TTC28: variants seen among roughly 807,000 people sequenced by gnomAD.
TTC28 encodes tetratricopeptide repeat domain 28, also known as tetratricopeptide repeat protein 28.
In TTC28, 61 loss-of-function variants were observed where a neutral mutation model predicts 198.0. That is an observed-to-expected ratio of 0.31 (90% CI 0.25 to 0.38). The LOEUF is 0.38. TTC28 is among the 10% of genes least tolerant of loss of function. The pLI, the probability that TTC28 is intolerant of heterozygous loss-of-function variation, is 1.00. For missense variants in TTC28, 2,678 were observed against 3,164.0 expected (o/e 0.85, Z 3.69); for synonymous variants, 1,171 against 1,297.8 (o/e 0.90, Z 2.10).
intron 12 of TTC28, among the ~76,000 whole-genome samples, chr22:28,088,241 C>A (rs1414759264): frequency 4.6e-5 from 7 of 152,170 alleles, no homozygotes; most frequent in Admixed American, 4.6e-4. Flanking sequence ...CTGGAGGCAT[C>A]ACGCTACCTG....
chr22:28,082,445 GT>G (rs901813361), intron 12 of TTC28, among the ~76,000 whole-genome samples: 1 of 152,124 alleles, frequency 6.6e-6, no homozygotes, highest in African/African-American at 2.4e-5. Context: ...TTGCAGTGTG[GT>G]TTTTATCATG....
chr22:28,493,121 G>A (rs980079354), intron 2 of TTC28, among the ~76,000 whole-genome samples: 3 of 151,620 alleles, frequency 2.0e-5, no homozygotes, highest in African/African-American at 7.3e-5. Context: ...CTTTGGAGGC[G>A]AAGGCAGGTG....
At chr22:28,214,153 T>G (rs976537342) in intron 5 of TTC28, among the ~76,000 whole-genome samples, 19 of 152,108 alleles carry the variant, frequency 1.2e-4, no homozygotes, top group Non-Finnish European at 2.4e-4. Flanking sequence ...AAGACTTAAA[T>G]GTTAGACCTA....
At chr22:28,149,458 G>A (rs1437089895) in intron 6 of TTC28, among the ~76,000 whole-genome samples, 1 of 152,194 alleles carries the variant, frequency 6.6e-6, no homozygotes, top group Admixed American at 6.5e-5. Flanking sequence ...AGACAATATG[G>A]ATGAACCTAG....
chr22:28,626,645 C>T (rs2051080856), intron 2 of TTC28, among the ~76,000 whole-genome samples: 1 of 151,896 alleles, frequency 6.6e-6, no homozygotes, highest in Non-Finnish European at 1.5e-5. Context: ...CAGTACTGAA[C>T]ATTTCTTTAT....
At chr22:28,290,737 C>T (rs1169717145) in intron 5 of TTC28, among the ~76,000 whole-genome samples, 10 of 152,094 alleles carry the variant, frequency 6.6e-5, no homozygotes, top group Non-Finnish European at 1.5e-5. Context: ...ATAGTGAGAC[C>T]TTGCTCTACA....
chr22:28,263,068 T>C (rs1290524556), intron 5 of TTC28, among the ~76,000 whole-genome samples: 2 of 152,044 alleles, frequency 1.3e-5, no homozygotes, highest in African/African-American at 2.4e-5. Context: ...AAGTCCAAAG[T>C]GGTTTTTAAG....
At chr22:28,128,941 T>TA (rs1028168069) in intron 6 of TTC28, among the ~76,000 whole-genome samples, 1 of 152,224 alleles carries the variant, frequency 6.6e-6, no homozygotes, top group Admixed American at 6.5e-5. Flanking sequence ...CTAGATTGTG[T>TA]AAGAAGTAAG....
At chr22:28,420,987 C>G (rs1338747512) in intron 2 of TTC28, among the ~76,000 whole-genome samples, 3 of 152,070 alleles carry the variant, frequency 2.0e-5, no homozygotes, top group Non-Finnish European at 4.4e-5. Flanking sequence ...TTTATATTAA[C>G]TAGTACATAT....
At chr22:28,119,606 T>C (rs554319636) in intron 6 of TTC28, among the ~76,000 whole-genome samples, 1 of 152,272 alleles carries the variant, frequency 6.6e-6, no homozygotes, top group African/African-American at 2.4e-5. Flanking sequence ...CATTTTTGGT[T>C]GTCAAAATAT....
intron 2 of TTC28, among the ~76,000 whole-genome samples, chr22:28,446,360 T>C (rs1331255678): frequency 6.6e-6 from 1 of 152,154 alleles, no homozygotes; most frequent in Non-Finnish European, 1.5e-5. Context: ...TGGAACCAAA[T>C]GGCTGGGAAT....
intron 14 of TTC28, among the ~76,000 whole-genome samples, chr22:28,013,836 C>G (rs1278620763): frequency 6.6e-6 from 1 of 152,174 alleles, no homozygotes; most frequent in African/African-American, 2.4e-5. Flanking sequence ...CAGCCTCGTC[C>G]TCACACTGAT....
intron 2 of TTC28, among the ~76,000 whole-genome samples, chr22:28,392,834 G>T (rs1264399048): frequency 6.6e-6 from 1 of 150,900 alleles, no homozygotes; most frequent in Non-Finnish European, 1.5e-5. Flanking sequence ...CTGTAGACCG[G>T]AGCTGCTCCT....
intron 2 of TTC28, among the ~76,000 whole-genome samples, chr22:28,407,572 T>A (rs1020476996): frequency 1.3e-5 from 2 of 152,184 alleles, no homozygotes; most frequent in Non-Finnish European, 2.9e-5. Flanking sequence ...AGAGTCAAAG[T>A]AGGTATGGCT....
At chr22:28,463,309 T>C (rs1324619952) in intron 2 of TTC28, among the ~76,000 whole-genome samples, 2 of 152,198 alleles carry the variant, frequency 1.3e-5, no homozygotes, top group African/African-American at 2.4e-5. Context: ...GTTTTTTCCA[T>C]TGGTGGGACT....
chr22:28,537,618 T>A (rs897188565), intron 2 of TTC28, among the ~76,000 whole-genome samples: 10 of 152,124 alleles, frequency 6.6e-5, no homozygotes, highest in Admixed American at 2.6e-4. Context: ...TAGATCAAAA[T>A]GTATAAAAAT....
intron 2 of TTC28, among the ~76,000 whole-genome samples, chr22:28,489,102 AG>A (rs2048344582): frequency 6.6e-6 from 1 of 152,072 alleles, no homozygotes; most frequent in African/African-American, 2.4e-5. Context: ...TGGGCAATAA[AG>A]CAAGACCTTG....
At chr22:28,269,414 TTTAGAG>T (rs1421461952) in intron 5 of TTC28, among the ~76,000 whole-genome samples, 2 of 152,210 alleles carry the variant, frequency 1.3e-5, no homozygotes, top group Non-Finnish European at 2.9e-5. Flanking sequence ...AATTTTGTTC[TTTAGAG>T]TTATTTTTGT....
At chr22:28,572,531 G>T (rs922206694) in intron 2 of TTC28, among the ~76,000 whole-genome samples, 1 of 152,108 alleles carries the variant, frequency 6.6e-6, no homozygotes, top group African/African-American at 2.4e-5. Context: ...AAAGATGGAA[G>T]TCTCAGAAGA....
Sources: allele counts gnomAD v4.1 joint callset (sites outside exome capture counted in the v4.1 genomes callset), GRCh38; gene constraint gnomAD v4.1.1; transcripts MANE v1.5; gene names NCBI Gene and HGNC (gene_info 2026-07-23, HGNC 2026-07-21).